Variants in KIAA0513 observed in about 807,000 individuals in gnomAD.
KIAA0513 encodes the protein uncharacterized protein KIAA0513.
In KIAA0513, 39 loss-of-function variants were observed where a neutral mutation model predicts 56.5. The ratio of observed to expected loss-of-function variants is 0.69; its 90% CI spans 0.53 to 0.90. The LOEUF (loss-of-function observed/expected upper bound fraction) is 0.90, where lower values mean the gene tolerates loss of function less well. Among genes scored for constraint, KIAA0513 ranks in the 40% least tolerant of loss-of-function variants. The pLI is 0.00. For synonymous variants in KIAA0513, 268 were observed against 215.6 expected, an observed-to-expected ratio of 1.24 and a Z score of -2.13; for missense variants, 591 against 535.2, an observed-to-expected ratio of 1.10 and a Z score of -1.03.
intron 1 of KIAA0513, among the ~76,000 whole-genome samples, chr16:85,044,902 AG>A (rs1192821903): frequency 1.3e-5 from 2 of 151,902 alleles, no homozygotes; most frequent in African/African-American, 4.8e-5. Flanking sequence ...GTGGATCATG[AG>A]GTCAGGAGAC....
intron 10 of KIAA0513, among the ~76,000 whole-genome samples, chr16:85,083,446 T>G (rs1444745393): frequency 6.6e-6 from 1 of 152,158 alleles, no homozygotes. Flanking sequence ...AAGGAGGACT[T>G]AGGCCTAACA....
At chr16:85,052,047 C>T (rs559177825) in intron 1 of KIAA0513, among the ~76,000 whole-genome samples, 5 of 152,026 alleles carry the variant, frequency 3.3e-5, no homozygotes, top group Admixed American at 6.6e-5. Context: ...ATTGGCCAGG[C>T]GCAGTGGCTC....
chr16:85,077,469 G>A lies in KIAA0513; in HGVS notation c.619G>A (p.Gly207Ser). The change falls in exon 6 of 13, where the codon GGC becomes AGC. Residue 207 changes from glycine (G) to serine (S), a missense_variant. Gly to Ser is a moderately conservative substitution (Grantham distance 56). Transcript: ENST00000683363. ...LPPESREKPA[G>S]SIDSYLKSAN... ...CCCGGAGTCCCGGGAGAAGCCCGCG[G>A]GCAGCATCGACTCCTACCTGAAATC... The A allele has an allele frequency of 6.2e-7, 1 of 1,614,168 alleles. No homozygotes were observed. The highest frequency in any genetic ancestry group is 1.7e-5 in the Admixed American group (1 of 60,022).
In KIAA0513 at chr16:85,092,377, G is replaced by C. The variant is rs2073878034; in HGVS notation, c.*4052G>C. 1 of 152,224 alleles carries C rather than the reference G, an allele frequency of 6.6e-6. No individual in the cohort carries two copies. The highest frequency in any genetic ancestry group is 2.1e-4 in the South Asian group (1 of 4,822). 9.4% of individuals were successfully genotyped at this position (152,224 alleles called of 1,614,324 possible). ...TGTTTCCAAGAACAGTGTGGAGCTT[G>C]AGAAAGAGAACTTTAAAAATTAGAG... is the stretch of plus-strand genomic sequence containing the variant. On this transcript the variant is annotated 3_prime_UTR_variant, in exon 13 of 13. Coordinates refer to ENST00000683363, the MANE Select transcript of KIAA0513 (RefSeq NM_001388359.1).
intron 1 of KIAA0513, among the ~76,000 whole-genome samples, chr16:85,049,840 C>T (rs1279555953): frequency 6.6e-6 from 1 of 152,180 alleles, no homozygotes; most frequent in Non-Finnish European, 1.5e-5. Flanking sequence ...AGGCCCGAGT[C>T]CTGCATCTCT....
chr16:85,088,254 A>G, intron 12 of KIAA0513, 22 bp from the exon 13 acceptor site: 1 of 1,610,760 alleles, frequency 6.2e-7, no homozygotes, highest in South Asian at 1.1e-5. Context: ...CATCTGAGAA[A>G]TAACATCACT....
rs2073867724 is a variant in KIAA0513, at chr16:85,091,570, C to T, written c.*3245C>T. On this transcript the variant is annotated 3_prime_UTR_variant, in exon 13 of 13. Coordinates refer to ENST00000683363, the MANE Select transcript of KIAA0513 (RefSeq NM_001388359.1). ...TGTTCAGGTTAATCCAAGCAACACG[C>T]ATTGGGTTTAAAACCAGCACCGAGG... The T allele has an allele frequency of 1.3e-5, 2 of 152,188 alleles. No homozygotes were observed. The highest frequency in any genetic ancestry group is 1.3e-4 in the Admixed American group (2 of 15,272). The allele number at this position is 152,188 out of a possible 1,614,324, so 9.4% of individuals were successfully genotyped here. A position where few individuals can be genotyped will look rare whatever the true frequency, so the allele number is the denominator to read the frequency against.
intron 2 of KIAA0513, among the ~76,000 whole-genome samples, chr16:85,069,868 A>G (rs1362656338): frequency 6.6e-6 from 1 of 152,130 alleles, no homozygotes; most frequent in African/African-American, 2.4e-5. Flanking sequence ...TTTCATTAAC[A>G]CAATTAGAAT....
chr16:85,051,447 A>C (rs962300810), intron 1 of KIAA0513, among the ~76,000 whole-genome samples: 5 of 152,200 alleles, frequency 3.3e-5, no homozygotes, highest in African/African-American at 1.2e-4. Context: ...TAGAGGTTCA[A>C]TGGCCTCTCC....
chr16:85,087,699 C>T (rs1470024363), intron 12 of KIAA0513, among the ~76,000 whole-genome samples: 1 of 152,248 alleles, frequency 6.6e-6, no homozygotes, highest in East Asian at 1.9e-4. Context: ...CCATCTGCCA[C>T]AGGCGTTGGT....
chr16:85,077,428 A>G lies in KIAA0513; in HGVS notation c.578A>G (p.Lys193Arg). Reference sequence around the variant, plus strand: ...CTTGTTCCCTCTCTCATCCAAGGAAAACCACAGCTGCTGCCCCCGGAGTCC... The same window carrying G: ...CTTGTTCCCTCTCTCATCCAAGGAAGACCACAGCTGCTGCCCCCGGAGTCC... Reference protein sequence around the residue: ...TMCFTYYHIGKPQLLPPESRE... With the variant: ...TMCFTYYHIGRPQLLPPESRE... The change falls in exon 6 of 13, where the codon AAA becomes AGA. Residue 193 changes from lysine (K) to arginine (R), a missense_variant. Lys to Arg is a conservative substitution (Grantham distance 26). Coordinates refer to ENST00000683363, the MANE Select transcript of KIAA0513 (RefSeq NM_001388359.1). The G allele has an allele frequency of 2.5e-6, 4 of 1,613,962 alleles. No homozygotes were observed. The highest frequency in any genetic ancestry group is 1.3e-5 in the African/African-American group (1 of 75,034).
chr16:85,068,315 C>T (rs1189804046), intron 2 of KIAA0513, among the ~76,000 whole-genome samples: 1 of 151,880 alleles, frequency 6.6e-6, no homozygotes, highest in African/African-American at 2.4e-5. Context: ...CACCACCACG[C>T]CTGGCTAATT....
intron 1 of KIAA0513, among the ~76,000 whole-genome samples, chr16:85,044,504 A>T (rs372473523): frequency 2.1e-4 from 29 of 140,314 alleles, no homozygotes; most frequent in African/African-American, 8.4e-4. Context: ...CCTCCTTTTT[A>T]TTTTTATTTT....
intron 1 of KIAA0513, among the ~76,000 whole-genome samples, chr16:85,054,556 A>G (rs1216664161): frequency 6.6e-6 from 1 of 151,178 alleles, no homozygotes; most frequent in East Asian, 2.0e-4. Context: ...CAGCCTCCCA[A>G]GTAGCTGGGA....
At chr16:85,072,842 T>A in intron 3 of KIAA0513, 83 bp from the exon 4 acceptor site, 2 of 1,337,296 alleles carry the variant, frequency 1.5e-6, no homozygotes, top group African/African-American at 2.9e-5. Flanking sequence ...TTGGAAACAC[T>A]GAGAGTGCAA....
chr16:85,077,460 A>C lies in KIAA0513; in HGVS notation c.610A>C (p.Lys204Gln), dbSNP rs1335866099. 1.2e-6 allele frequency: 2 copies of C among 1,613,950 alleles called. No homozygotes were observed. Among genetic ancestry groups the C allele is most frequent in the African/African-American group, 2.7e-5 (2 of 74,914 alleles). The change falls in exon 6 of 13, where the codon AAG becomes CAG. Residue 204 changes from lysine (K) to glutamine (Q), a missense_variant. By Grantham distance (53) the Lys-to-Gln change is moderately conservative. Coordinates refer to ENST00000683363, the MANE Select transcript of KIAA0513 (RefSeq NM_001388359.1). ...PQLLPPESRE[K>Q]PAGSIDSYLK... ...GCTGCTGCCCCCGGAGTCCCGGGAG[A>C]AGCCCGCGGGCAGCATCGACTCCTA... is the stretch of plus-strand genomic sequence containing the variant.
chr16:85,030,822 C>G (rs2072954598), intron 1 of KIAA0513, among the ~76,000 whole-genome samples: 1 of 151,398 alleles, frequency 6.6e-6, no homozygotes, highest in African/African-American at 2.4e-5. Flanking sequence ...CTTTCTAAAT[C>G]TGGGCATCAT....
intron 1 of KIAA0513, among the ~76,000 whole-genome samples, chr16:85,038,719 A>AAT (rs1232358342): frequency 6.7e-6 from 1 of 150,232 alleles, no homozygotes; most frequent in African/African-American, 2.5e-5. Flanking sequence ...AAAAAAAAAA[A>AAT]AAAATAATAA....
intron 4 of KIAA0513, among the ~76,000 whole-genome samples, chr16:85,073,581 AC>A (rs1383974018): frequency 2.0e-5 from 3 of 152,060 alleles, no homozygotes; most frequent in African/African-American, 7.2e-5. Flanking sequence ...TGAGGCATAG[AC>A]CCTCTTCTCA....
Sources: gnomAD v4.1 joint callset for allele counts (sites outside exome capture counted in the v4.1 genomes callset) on GRCh38, gnomAD v4.1.1 for gene constraint, MANE v1.5 for transcripts, NCBI Gene and HGNC (gene_info 2026-07-23, HGNC 2026-07-21) for gene names.